AOX1: variants seen among roughly 807,000 people sequenced by gnomAD.
The protein encoded by AOX1 is aldehyde oxidase.
In AOX1, 153 loss-of-function variants were observed where a neutral mutation model predicts 169.5. The observed-to-expected ratio is 0.90, with a 90% CI of 0.79 to 1.03. The LOEUF is 1.03. Among genes scored for constraint, AOX1 ranks in the 50% least tolerant of loss-of-function variants. AOX1 has a pLI of 0.00. For missense variants in AOX1, 1,656 were observed against 1,663.9 expected, an observed-to-expected ratio of 1.00 and a Z score of 0.08; for synonymous variants, 562 against 581.9, an observed-to-expected ratio of 0.97 and a Z score of 0.49.
At chr2:200,631,924 GTTTATATA>G (rs2035136055) in intron 20 of AOX1, among the ~76,000 whole-genome samples, 1 of 152,062 alleles carries the variant, frequency 6.6e-6, no homozygotes, top group African/African-American at 2.4e-5. Flanking sequence ...AAATTTTAAT[GTTTATATA>G]TTATAAGTGA....
At chr2:200,630,547 G>GAA (rs1559246318) in intron 20 of AOX1, among the ~76,000 whole-genome samples, 7 of 105,562 alleles carry the variant, frequency 6.6e-5, no homozygotes, top group South Asian at 3.2e-4. Flanking sequence ...TGGAAGGAAG[G>GAA]GAGGAAGGAA....
In AOX1 at chr2:200,597,441, A is replaced by G. The variant is rs755863547; in HGVS notation, c.245A>G (p.Tyr82Cys). Residue 82 changes from tyrosine (Y) to cysteine (C), a missense_variant, in exon 4 of 35, where the codon TAT becomes TGT. Transcript: ENST00000374700. ...TGTCTGATTCCCATCTGTTCTCTGTATGGTGCTGCCGTCACCACAGTAGAA... is the reference window on the plus strand; with the variant it reads ...TGTCTGATTCCCATCTGTTCTCTGTGTGGTGCTGCCGTCACCACAGTAGAA... ...NACLIPICSL[Y>C]GAAVTTVEGI... 3 of 1,611,920 alleles carry G rather than the reference A, an allele frequency of 1.9e-6. No homozygotes were observed. Among genetic ancestry groups the G allele is most frequent in the South Asian group, 1.1e-5 (1 of 90,386 alleles).
intron 15 of AOX1, among the ~76,000 whole-genome samples, chr2:200,614,993 A>G (rs2034722558): frequency 7.4e-6 from 1 of 134,456 alleles, no homozygotes; most frequent in Non-Finnish European, 1.6e-5. Context: ...TAAAAATAAT[A>G]GCTTTTGTTG....
intron 26 of AOX1, among the ~76,000 whole-genome samples, chr2:200,652,359 G>A (rs2035595235): frequency 6.6e-6 from 1 of 152,150 alleles, no homozygotes; most frequent in Non-Finnish European, 1.5e-5. Context: ...AAATAACACA[G>A]AGCCATGTAG....
intron 1 of AOX1, among the ~76,000 whole-genome samples, chr2:200,592,740 C>A (rs902802506): frequency 6.6e-6 from 1 of 152,180 alleles, no homozygotes; most frequent in Admixed American, 6.5e-5. Flanking sequence ...ATATCAATTT[C>A]TCAGAGGCTA....
In AOX1 at chr2:200,604,676, C is replaced by A; in HGVS notation, c.670-20C>A. 1 of 1,613,604 alleles carries A rather than the reference C, an allele frequency of 6.2e-7. No homozygotes were observed. The highest frequency in any genetic ancestry group is 2.2e-5 in the East Asian group (1 of 44,880). On this transcript the variant is annotated intron_variant, in intron 8 of 34. Transcript: ENST00000374700. Reference sequence around the variant, plus strand: ...GATGGCATCATTGGGTACCTTGAATCCCTATTGCTTTTTCAATAGATAATG... The same window carrying A: ...GATGGCATCATTGGGTACCTTGAATACCTATTGCTTTTTCAATAGATAATG...
intron 32 of AOX1, 57 bp from the exon 33 acceptor site, chr2:200,668,558 C>G (rs2035967010): frequency 1.4e-6 from 2 of 1,449,182 alleles, no homozygotes; most frequent in Non-Finnish European, 1.9e-6. Context: ...TGAAATGCTA[C>G]TTAGTGTTGA....
chr2:200,641,232 T>C (rs990992480), intron 24 of AOX1, 48 bp downstream of exon 24: 1 of 1,267,796 alleles, frequency 7.9e-7, no homozygotes, highest in African/African-American at 1.5e-5. Flanking sequence ...GAGTGTTACA[T>C]AAAATAATTT....
At chr2:200,586,205 CAG>C (rs2034027094) in intron 1 of AOX1, 52 bp downstream of exon 1, 2 of 1,499,396 alleles carry the variant, frequency 1.3e-6, no homozygotes, top group Non-Finnish European at 1.8e-6. Flanking sequence ...AGGGCCGGGG[CAG>C]AGAGGAGCCC....
chr2:200,649,143 G>A (rs1336306013), intron 25 of AOX1, among the ~76,000 whole-genome samples: 2 of 152,116 alleles, frequency 1.3e-5, no homozygotes, highest in African/African-American at 4.8e-5. Context: ...AGTTCAGCTA[G>A]AGATTTCTTT....
chr2:200,661,552 G>T, intron 29 of AOX1, 27 bp from the exon 30 acceptor site: 1 of 1,595,738 alleles, frequency 6.3e-7, no homozygotes, highest in Non-Finnish European at 8.6e-7. Flanking sequence ...CATCCTTGTT[G>T]CATCATGCTA....
chr2:200,590,664 C>T (rs1201524914), intron 1 of AOX1, among the ~76,000 whole-genome samples: 1 of 152,216 alleles, frequency 6.6e-6, no homozygotes, highest in Non-Finnish European at 1.5e-5. Flanking sequence ...CATACCCAAA[C>T]AAGCATGACC....
chr2:200,639,540 C>T (rs2035310485), intron 23 of AOX1, among the ~76,000 whole-genome samples: 2 of 152,310 alleles, frequency 1.3e-5, no homozygotes, highest in South Asian at 2.1e-4. Context: ...TTTCAAACCA[C>T]ACTCACTCTA....
intron 26 of AOX1, among the ~76,000 whole-genome samples, chr2:200,654,073 C>G (rs577617831): frequency 6.6e-6 from 1 of 152,110 alleles, no homozygotes; most frequent in African/African-American, 2.4e-5. Context: ...CATTTAATAA[C>G]CCTGCAGTGG....
chr2:200,603,698 T>C (rs568560162), intron 7 of AOX1, among the ~76,000 whole-genome samples: 7 of 152,158 alleles, frequency 4.6e-5, no homozygotes, highest in Non-Finnish European at 1.0e-4. Flanking sequence ...GTAGAACAAG[T>C]AGAGACAGGA....
At chr2:200,637,369 C>T (rs1358120969) in intron 22 of AOX1, among the ~76,000 whole-genome samples, 1 of 152,022 alleles carries the variant, frequency 6.6e-6, no homozygotes, top group Non-Finnish European at 1.5e-5. Flanking sequence ...ATATATATGG[C>T]TTTTTGAACA....
chr2:200,605,473 T>G (rs936027214), intron 9 of AOX1, 63 bp from the exon 10 acceptor site: 2 of 736,652 alleles, frequency 2.7e-6, no homozygotes, highest in Non-Finnish European at 4.2e-6. Flanking sequence ...AATTTCAAAT[T>G]TAAAAGGCAG....
chr2:200,644,556 C>G (rs187120954), intron 25 of AOX1, among the ~76,000 whole-genome samples: 41 of 152,192 alleles, frequency 2.7e-4, no homozygotes, highest in Non-Finnish European at 5.6e-4. Flanking sequence ...ATCATGTGAA[C>G]TTTAGAATTG....
chr2:200,608,677 T>C (rs1369862389), intron 10 of AOX1, among the ~76,000 whole-genome samples: 3 of 152,010 alleles, frequency 2.0e-5, no homozygotes, highest in Admixed American at 6.6e-5. Flanking sequence ...TTCAAAGAAT[T>C]CAGCCTTCAT....
Sources: gnomAD v4.1 joint callset for allele counts (sites outside exome capture counted in the v4.1 genomes callset) on GRCh38, gnomAD v4.1.1 for gene constraint, MANE v1.5 for transcripts, NCBI Gene and HGNC (gene_info 2026-07-23, HGNC 2026-07-21) for gene names.